The following HSP90B1 variants were observed in gnomAD, a reference collection of about 807,000 sequenced individuals.
HSP90B1 encodes the protein heat shock protein 90 beta family member 1.
Under a neutral mutation model 100.4 loss-of-function variants are expected in HSP90B1, and 27 were observed. The observed-to-expected ratio is 0.27, with a 90% confidence interval of 0.20 to 0.37. The LOEUF is 0.37. HSP90B1 is among the 10% of genes least tolerant of loss of function. The pLI is 1.00. For synonymous variants in HSP90B1, 304 were observed against 330.8 expected (o/e 0.92, Z 0.88); for missense variants, 678 against 960.5 (o/e 0.71, Z 3.89).
chr12:103,934,347 G>A, intron 5 of HSP90B1, 60 bp downstream of exon 5: 1 of 1,302,478 alleles, frequency 7.7e-7, no homozygotes, highest in South Asian at 1.3e-5. Flanking sequence ...TGACTCTCCA[G>A]TTCTATTCTC....
In HSP90B1 at chr12:103,943,428, T is replaced by G; in HGVS notation, c.1890+109T>G. The G allele has an allele frequency of 2.0e-6, 2 of 1,020,644 alleles. No individual in the cohort carries two copies. Among genetic ancestry groups the G allele is most frequent in the Non-Finnish European group, 1.4e-6 (1 of 706,836 alleles). The allele number at this position is 1,020,644 out of a possible 1,614,324, so 63.2% of individuals were successfully genotyped here. ...GGTTACTTTGTAACCATTAGAATGG[T>G]AAAAATTTAATTAATGTAATTAAAT... On this transcript the variant is annotated intron_variant, in intron 13 of 17. Transcript: ENST00000299767. This position sits in a 1 kb window ranked among gnomAD's most constrained non-coding sequence, Gnocchi z 5.3.
Position 103,943,131 on chromosome 12 carries a change from C to T in HSP90B1, c.1702C>T (p.Leu568Phe), listed in dbSNP as rs770860797. 3 of 1,614,080 alleles carry T rather than the reference C, an allele frequency of 1.9e-6. No individual in the cohort carries two copies. The highest frequency in any genetic ancestry group is 2.2e-5 in the East Asian group (1 of 44,876). ...LLKKGYEVIY[L>F]TEPVDEYCIQ... The stretch of plus-strand genomic sequence containing the variant: ...GAAAAAGGGCTATGAAGTTATTTAC[C>T]TCACAGAACCTGTGGATGAATACTG... Residue 568 changes from leucine (L) to phenylalanine (F), a missense_variant, in exon 13 of 18, where the codon CTC becomes TTC. Physicochemically the swap from Leu to Phe is conservative, Grantham distance 22 (BLOSUM62 0). This residue lies in a region of HSP90B1 where 170 missense variants were observed against 236.7 expected (regional missense o/e 0.72). Coordinates refer to ENST00000299767, the MANE Select transcript of HSP90B1 (RefSeq NM_003299.3). The surrounding 1 kb of genome is among the most constrained non-coding windows in gnomAD (Gnocchi z 5.3).
In HSP90B1 at chr12:103,938,377, C is replaced by T. The variant is rs1869978955; in HGVS notation, c.893C>T (p.Ala298Val). ...GAGGAGCCCATGGAGGAAGAAGAAG[C>T]AGCCAAAGAAGAGAAAGAAGAATCT... ...TVEEPMEEEE[A>V]AKEEKEESDD... is the part of the protein sequence containing the mutation. Residue 298 changes from alanine (A) to valine (V), a missense_variant, in exon 7 of 18, where the codon GCA (alanine) becomes GTA (valine). Physicochemically the swap from Ala to Val is moderately conservative, Grantham distance 64 (BLOSUM62 0). Transcript: ENST00000299767. 2 of 1,568,804 alleles carry T rather than the reference C, an allele frequency of 1.3e-6. No individual in the cohort carries two copies. The highest frequency in any genetic ancestry group is 1.7e-6 in the Non-Finnish European group (2 of 1,151,784).
intron 14 of HSP90B1, among the ~76,000 whole-genome samples, chr12:103,944,363 C>T (rs571702477): frequency 1.7e-4 from 26 of 152,162 alleles, no homozygotes; most frequent in South Asian, 4.2e-4. Flanking sequence ...AGGGCCTATA[C>T]CTGGAGGTAT....
At position 103,930,421 on chromosome 12, in the gene HSP90B1, C is replaced by A. The variant is rs758456787; in HGVS notation, c.-95C>A. Reference sequence around the variant, plus strand: ...CCTGCTTGCGGTGTAGTGGGCGGACCGCGCGGCTGGAGGTGTGAGGATCCG... The same window carrying A: ...CCTGCTTGCGGTGTAGTGGGCGGACAGCGCGGCTGGAGGTGTGAGGATCCG... On this transcript the variant is annotated 5_prime_UTR_variant, in exon 1 of 18. Transcript: ENST00000299767. This position sits in a 1 kb window ranked among gnomAD's most constrained non-coding sequence, Gnocchi z 4.4. 3.4e-6 allele frequency: 4 copies of A among 1,168,286 alleles called. No homozygotes were observed. The highest frequency in any genetic ancestry group is 4.8e-6 in the Non-Finnish European group (4 of 841,402). 72.4% of individuals were successfully genotyped at this position (1,168,286 alleles called of 1,614,324 possible). A position where few individuals can be genotyped will look rare whatever the true frequency, so the allele number is the denominator to read the frequency against.
At position 103,943,566 on chromosome 12, in the gene HSP90B1, A is replaced by C. The variant is rs1870139117; in HGVS notation, c.1891-172A>C. ...TTAAACTTCTGACTAGAAAATTCAG[A>C]TTATCAAGTAAGTGCCCCTACAAAT... On this transcript the variant is annotated intron_variant, in intron 13 of 17. Coordinates refer to ENST00000299767, the MANE Select transcript of HSP90B1 (RefSeq NM_003299.3). The surrounding 1 kb of genome is among the most constrained non-coding windows in gnomAD (Gnocchi z 5.3). 1 of 724,972 alleles carries C rather than the reference A, an allele frequency of 1.4e-6. No homozygotes were observed. The highest frequency in any genetic ancestry group is 1.8e-5 in the African/African-American group (1 of 56,212). The allele number at this position is 724,972 out of a possible 1,614,324, so 44.9% of individuals were successfully genotyped here.
intron 14 of HSP90B1, among the ~76,000 whole-genome samples, chr12:103,946,185 A>G (rs553514683): frequency 4.3e-4 from 66 of 152,262 alleles, no homozygotes; most frequent in African/African-American, 1.6e-3. Flanking sequence ...GCCCTTTCTA[A>G]TATTTTCAAT....
intron 11 of HSP90B1, among the ~76,000 whole-genome samples, 196 bp from the exon 12 acceptor site, chr12:103,942,331 A>G (rs770948508): frequency 9.2e-5 from 14 of 152,356 alleles, no homozygotes; most frequent in Middle Eastern, 6.8e-3. Context: ...CATTAAGGCA[A>G]TCTTGTGGCT....
chr12:103,932,014 A>C, intron 2 of HSP90B1: 1 of 449,602 alleles, frequency 2.2e-6, no homozygotes, highest in Non-Finnish European at 4.0e-6. Context: ...AGCATAAATG[A>C]GTATGACTTT....
intron 14 of HSP90B1, among the ~76,000 whole-genome samples, chr12:103,944,569 T>TC (rs1270714099): frequency 6.6e-5 from 10 of 151,676 alleles, no homozygotes; most frequent in East Asian, 1.9e-4. Context: ...TTTTTTTTTT[T>TC]CCCCCGAGAC....
chr12:103,932,560 G>A, intron 3 of HSP90B1, 142 bp downstream of exon 3: 1 of 727,078 alleles, frequency 1.4e-6, no homozygotes, highest in Admixed American at 3.0e-5. Context: ...TCCAAGAATT[G>A]CTACCAGATA....
chr12:103,934,036 T>A lies in HSP90B1; in HGVS notation c.492T>A (p.Gly164=), dbSNP rs1291736103. The change falls in exon 5 of 18, where the codon GGT becomes GGA. Residue 164 remains glycine (G), a synonymous_variant. Transcript: ENST00000299767. ...MTREELVKNL[G]TIAKSGTSEF... The stretch of plus-strand genomic sequence containing the variant: ...GAGAAGAGTTGGTTAAAAACCTTGG[T>A]ACCATAGCCAAATCTGGGACAAGCG... 4 of 1,614,108 alleles carry A rather than the reference T, an allele frequency of 2.5e-6. No individual in the cohort carries two copies. In the Admixed American group the frequency reaches 5.0e-5, roughly 20 times the overall value.
In HSP90B1 at chr12:103,947,752, CT is replaced by C. The variant is rs764978702; in HGVS notation, c.*91del. 8 of 1,089,284 alleles carry C rather than the reference CT, an allele frequency of 7.3e-6. No individual in the cohort carries two copies. Among genetic ancestry groups the C allele is most frequent in the Middle Eastern group, 2.0e-4 (1 of 5,040 alleles). 67.5% of individuals were successfully genotyped at this position (1,089,284 alleles called of 1,614,324 possible). ...GGGAGAGACTTGTTTTGGATGCCCCCTAATCCCCTTCTCCCCTGCACTGTAA... is the reference window on the plus strand; with the variant it reads ...GGGAGAGACTTGTTTTGGATGCCCCCAATCCCCTTCTCCCCTGCACTGTAA... On this transcript the variant is annotated 3_prime_UTR_variant, in exon 18 of 18. Coordinates refer to ENST00000299767, the MANE Select transcript of HSP90B1 (RefSeq NM_003299.3).
intron 5 of HSP90B1, among the ~76,000 whole-genome samples, chr12:103,937,250 A>T (rs1245349742): frequency 6.6e-6 from 1 of 152,210 alleles, no homozygotes; most frequent in African/African-American, 2.4e-5. Flanking sequence ...GCAGATATAA[A>T]TATAAACCAG....
At chr12:103,937,502 A>G (rs1040556687) in intron 5 of HSP90B1, among the ~76,000 whole-genome samples, 193 bp from the exon 6 acceptor site, 1 of 152,176 alleles carries the variant, frequency 6.6e-6, no homozygotes, top group Admixed American at 6.5e-5. Context: ...TGTAGAGGAG[A>G]TTCTTCTCTT....
intron 17 of HSP90B1, 72 bp from the exon 18 acceptor site, chr12:103,947,561 C>T: frequency 1.9e-6 from 3 of 1,558,202 alleles, no homozygotes; most frequent in Non-Finnish European, 1.8e-6. Context: ...TTATTTCATG[C>T]ACAAACCTGT....
chr12:103,938,187 A>G (rs1399432067), intron 6 of HSP90B1, 153 bp from the exon 7 acceptor site: 1 of 572,700 alleles, frequency 1.7e-6, no homozygotes, highest in Non-Finnish European at 2.9e-6. Flanking sequence ...AAAAAAAAAG[A>G]ATGAAGGCAA....
rs769283715 is a variant in HSP90B1, at chr12:103,933,960, A to G, written c.416A>G (p.Asp139Gly). The G allele has an allele frequency of 6.2e-7, 1 of 1,611,534 alleles. No individual in the cohort carries two copies. Among genetic ancestry groups the G allele is most frequent in the South Asian group, 1.1e-5 (1 of 90,986 alleles). Reference protein sequence around the residue: ...NEELTVKIKCDKEKNLLHVTD... With the variant: ...NEELTVKIKCGKEKNLLHVTD... ...TGGTTCTTGTCTTGCATTTAGTGTG[A>G]TAAGGAGAAGAACCTGCTGCATGTC... Residue 139 changes from aspartate to glycine, a missense_variant, in exon 5 of 18, where the codon GAT (aspartate) becomes GGT (glycine). By Grantham distance (94) the Asp-to-Gly change is moderately conservative. Coordinates refer to ENST00000299767, the MANE Select transcript of HSP90B1 (RefSeq NM_003299.3).
intron 8 of HSP90B1, among the ~76,000 whole-genome samples, chr12:103,940,710 C>T (rs1389135402): frequency 6.6e-6 from 1 of 152,078 alleles, no homozygotes; most frequent in Non-Finnish European, 1.5e-5. Context: ...AAAAAGGAAC[C>T]ATGAAATGTT....
Sources: gnomAD v4.1 joint callset for allele counts (sites outside exome capture counted in the v4.1 genomes callset) on GRCh38, gnomAD v4.1.1 for gene constraint, gnomAD v4.1.1 regional missense constraint, Gnocchi (gnomAD v3.1) non-coding constraint, MANE v1.5 for transcripts, NCBI Gene and HGNC (gene_info 2026-07-23, HGNC 2026-07-21) for gene names.